Variants in FREM1 observed in about 807,000 individuals in gnomAD.
FREM1 encodes the protein FRAS1-related extracellular matrix protein 1.
FREM1 carries 220 observed loss-of-function variants against 210.1 expected under a neutral mutation model. That is an observed-to-expected ratio of 1.05 (90% CI 0.94 to 1.17). The LOEUF (loss-of-function observed/expected upper bound fraction) is 1.17, where lower values mean the gene tolerates loss of function less well. Among genes scored for constraint, FREM1 ranks in the 50% most tolerant of loss-of-function variants. The probability of loss-of-function intolerance (pLI) is 0.00; values close to 1 mark genes in which losing one functional copy is unlikely to be tolerated. For missense variants in FREM1, 3,454 were observed against 2,675.5 expected (o/e 1.29, Z -6.42); for synonymous variants, 1,189 against 980.2 (o/e 1.21, Z -3.98).
At chr9:14,839,076 G>A (rs1008884023) in intron 10 of FREM1, among the ~76,000 whole-genome samples, 5 of 152,222 alleles carry the variant, frequency 3.3e-5, no homozygotes, top group Non-Finnish European at 5.9e-5. Flanking sequence ...TTAATTTATC[G>A]CAACTATAAG....
intron 2 of FREM1, 50 bp from the exon 3 acceptor site, chr9:14,863,953 G>T: frequency 8.3e-7 from 1 of 1,201,304 alleles, no homozygotes; most frequent in East Asian, 2.4e-5. Context: ...ATTGGTACAA[G>T]ATTTAACATT....
At position 14,784,611 on chromosome 9, in the gene FREM1, G is replaced by C. The variant is rs763361058; in HGVS notation, c.4201C>G (p.Pro1401Ala). Residue 1401 changes from proline to alanine, a missense_variant, in exon 24 of 37, where the codon CCA (proline) becomes GCA (alanine). Pro to Ala is a conservative substitution (Grantham distance 27). Coordinates refer to ENST00000380880, the MANE Select transcript of FREM1 (RefSeq NM_001379081.2). ...EKGDIVILTK[P>A]LVVSKGDRGF... ...CTATCACCTTTAGACACCACGAGTG[G>C]TTTTGTAAGGATGACAATATCACCT... 2 of 1,589,228 alleles carry C rather than the reference G, an allele frequency of 1.3e-6. No individual in the cohort carries two copies. Among genetic ancestry groups the C allele is most frequent in the Non-Finnish European group, 1.7e-6 (2 of 1,165,824 alleles).
At chr9:14,739,386 G>A (rs1365485688) in intron 36 of FREM1, among the ~76,000 whole-genome samples, 1 of 150,234 alleles carries the variant, frequency 6.7e-6, no homozygotes, top group Non-Finnish European at 1.5e-5. Flanking sequence ...TTACAGGCGT[G>A]AGCCACCATA....
Position 14,816,850 on chromosome 9 carries a change from T to C in FREM1, c.2568A>G (p.Glu856=). 1 of 1,419,288 alleles carries C rather than the reference T, an allele frequency of 7.0e-7. No individual in the cohort carries two copies. Among genetic ancestry groups the C allele is most frequent in the Non-Finnish European group, 9.5e-7 (1 of 1,051,768 alleles). 87.9% of individuals were successfully genotyped at this position (1,419,288 alleles called of 1,614,324 possible). A position where few individuals can be genotyped will look rare whatever the true frequency, so the allele number is the denominator to read the frequency against. The part of the protein sequence containing the change: ...LKVRYQHDGT[E]VLQDDLLLEV... ...CCAAGAGTAGGTCATCCTGAAGAAC[T>C]TCAGTTCCATCATGTTGATACCTGT... Residue 856 remains glutamate (E), a synonymous_variant, in exon 15 of 37, where the codon GAA becomes GAG. Coordinates refer to ENST00000380880, the MANE Select transcript of FREM1 (RefSeq NM_001379081.2).
At chr9:14,806,021 T>G (rs1177868011) in intron 18 of FREM1, among the ~76,000 whole-genome samples, 1 of 152,204 alleles carries the variant, frequency 6.6e-6, no homozygotes, top group East Asian at 1.9e-4. Flanking sequence ...CCTTGTGAGC[T>G]CCCGCTAGAT....
In FREM1 at chr9:14,816,877, G is replaced by C; in HGVS notation, c.2547-6C>G. ...CAGTTCCATCATGTTGATACCTGTG[G>C]GGATAATATTTGTCACCAACCTCTT... On this transcript the variant is annotated splice_region_variant and splice_polypyrimidine_tract_variant and intron_variant, in intron 14 of 36. Transcript: ENST00000380880. 1 of 1,233,478 alleles carries C rather than the reference G, an allele frequency of 8.1e-7. No individual in the cohort carries two copies. The highest frequency in any genetic ancestry group is 1.1e-6 in the Non-Finnish European group (1 of 903,002). 76.4% of individuals were successfully genotyped at this position (1,233,478 alleles called of 1,614,324 possible). A position where few individuals can be genotyped will look rare whatever the true frequency, so the allele number is the denominator to read the frequency against.
At chr9:14,800,321 G>T (rs1271281179) in intron 20 of FREM1, among the ~76,000 whole-genome samples, 1 of 152,158 alleles carries the variant, frequency 6.6e-6, no homozygotes, top group African/African-American at 2.4e-5. Flanking sequence ...GACCTTACAG[G>T]CTGGGAAAAG....
intron 7 of FREM1, among the ~76,000 whole-genome samples, chr9:14,846,650 G>C (rs1018426269): frequency 6.6e-6 from 1 of 152,142 alleles, no homozygotes; most frequent in African/African-American, 2.4e-5. Context: ...AGCTTTTCAA[G>C]AAACTGGAAT....
intron 6 of FREM1, among the ~76,000 whole-genome samples, chr9:14,849,671 CT>C (rs1564071706): frequency 6.6e-6 from 1 of 152,216 alleles, no homozygotes; most frequent in East Asian, 1.9e-4. Flanking sequence ...CAGGAGGTGT[CT>C]TTTTTGGAGG....
At chr9:14,804,501 C>T (rs1450934742) in intron 19 of FREM1, among the ~76,000 whole-genome samples, 7 of 152,128 alleles carry the variant, frequency 4.6e-5, no homozygotes, top group Non-Finnish European at 8.8e-5. Flanking sequence ...AGGAGAATGG[C>T]GTGAACCCGG....
intron 3 of FREM1, among the ~76,000 whole-genome samples, chr9:14,861,352 TATATAC>T (rs1830524511): frequency 2.4e-5 from 3 of 126,740 alleles, no homozygotes; most frequent in African/African-American, 7.5e-5. Context: ...TATATATACA[TATATAC>T]ACATATATAC....
chr9:14,806,283 T>C (rs1383135892), intron 18 of FREM1, among the ~76,000 whole-genome samples: 1 of 146,614 alleles, frequency 6.8e-6, no homozygotes, highest in Non-Finnish European at 1.5e-5. Flanking sequence ...AGACGGAGTT[T>C]CCGCTCCTGC....
intron 3 of FREM1, among the ~76,000 whole-genome samples, chr9:14,861,224 TATATACACATATATACACAC>T (rs1830385939): frequency 6.9e-5 from 7 of 101,494 alleles, no homozygotes; most frequent in African/African-American, 2.6e-4. Context: ...TATATACACA[TATATACACATATATACACAC>T]ATATATACAT....
chr9:14,868,988 CCCAACTCTTCTCTGT>C lies in FREM1; in HGVS notation c.-26_-12del, dbSNP rs1442847482. ...ACTCAGAGAGTTCATGCTGACAGGG[CCCAACTCTTCTCTGT>C]CCACCGGCGAAATCCCTTTAACAAA... On this transcript the variant is annotated 5_prime_UTR_variant, in exon 2 of 37. Transcript: ENST00000380880. 6.5e-7 allele frequency: 1 copy of C among 1,531,844 alleles called. No individual in the cohort carries two copies. The highest frequency in any genetic ancestry group is 8.8e-7 in the Non-Finnish European group (1 of 1,135,496). 94.9% of individuals were successfully genotyped at this position (1,531,844 alleles called of 1,614,324 possible). A position where few individuals can be genotyped will look rare whatever the true frequency, so the allele number is the denominator to read the frequency against.
chr9:14,816,919 TAAA>T (rs1475075181), intron 14 of FREM1, 48 bp from the exon 15 acceptor site: 1 of 635,950 alleles, frequency 1.6e-6, no homozygotes, highest in African/African-American at 1.8e-5. Flanking sequence ...AGTGTGAGAG[TAAA>T]TTGAGATGCA....
intron 10 of FREM1, among the ~76,000 whole-genome samples, chr9:14,832,090 T>C (rs1823674208): frequency 6.6e-6 from 1 of 152,252 alleles, no homozygotes; most frequent in Admixed American, 6.5e-5. Context: ...GCACTGGGAC[T>C]CCTTCGACCT....
intron 1 of FREM1, among the ~76,000 whole-genome samples, chr9:14,908,720 T>C (rs1818225168): frequency 1.3e-5 from 2 of 152,334 alleles, no homozygotes; most frequent in Admixed American, 6.5e-5. Flanking sequence ...AAGAATTTCA[T>C]GTCAAGGACA....
chr9:14,807,908 A>T, intron 17 of FREM1, 32 bp downstream of exon 17: 1 of 1,511,850 alleles, frequency 6.6e-7, no homozygotes, highest in Admixed American at 1.7e-5. Context: ...TAGGTCAGAC[A>T]ATAGTACTGG....
intron 23 of FREM1, among the ~76,000 whole-genome samples, chr9:14,786,215 T>C (rs973432293): frequency 6.6e-6 from 1 of 152,162 alleles, no homozygotes; most frequent in Non-Finnish European, 1.5e-5. Context: ...GGTTACAAAA[T>C]TAATAAAACA....
Sources: allele counts gnomAD v4.1 joint callset (sites outside exome capture counted in the v4.1 genomes callset), GRCh38; gene constraint gnomAD v4.1.1; transcripts MANE v1.5; gene names NCBI Gene and HGNC (gene_info 2026-07-23, HGNC 2026-07-21).